KLHL29: variants seen among roughly 807,000 people sequenced by gnomAD.
The protein encoded by KLHL29 is kelch like family member 29.
KLHL29 carries 21 observed loss-of-function variants against 80.4 expected under a neutral mutation model. That is an observed-to-expected ratio of 0.26 (90% confidence interval 0.19 to 0.38). The LOEUF is 0.38. Among genes scored for constraint, KLHL29 ranks in the 10% least tolerant of loss-of-function variants. The pLI, the probability that KLHL29 is intolerant of heterozygous loss-of-function variation, is 1.00. For synonymous variants in KLHL29, 511 were observed against 526.8 expected, an observed-to-expected ratio of 0.97 and a Z score of 0.41; for missense variants, 867 against 1,223.9, an observed-to-expected ratio of 0.71 and a Z score of 4.35.
At chr2:23,623,615 C>A (rs1333730337) in intron 3 of KLHL29, among the ~76,000 whole-genome samples, 1 of 152,180 alleles carries the variant, frequency 6.6e-6, no homozygotes, top group Non-Finnish European at 1.5e-5. Flanking sequence ...GGGGTGTCTG[C>A]CAGCTACTCC....
chr2:23,415,387 G>A (rs572159828), intron 1 of KLHL29, among the ~76,000 whole-genome samples: 2 of 152,350 alleles, frequency 1.3e-5, no homozygotes, highest in South Asian at 2.1e-4. Flanking sequence ...GTCTGTGCAT[G>A]TGTGAATTTT....
chr2:23,627,042 C>T (rs1669331525), intron 3 of KLHL29, among the ~76,000 whole-genome samples: 1 of 152,174 alleles, frequency 6.6e-6, no homozygotes, highest in African/African-American at 2.4e-5. Flanking sequence ...CCATCCCCGC[C>T]CCGCTCCTCC....
intron 3 of KLHL29, among the ~76,000 whole-genome samples, chr2:23,624,046 T>G (rs1669250726): frequency 6.6e-6 from 1 of 152,176 alleles, no homozygotes; most frequent in Admixed American, 6.5e-5. Flanking sequence ...TTGGCTGGGC[T>G]TACTTGGAGG....
At chr2:23,677,405 C>T (rs1375793237) in intron 5 of KLHL29, among the ~76,000 whole-genome samples, 1 of 152,210 alleles carries the variant, frequency 6.6e-6, no homozygotes, top group Admixed American at 6.5e-5. Flanking sequence ...CAGAAGGGCT[C>T]TTCACTAAAA....
chr2:23,583,193 C>T lies in KLHL29; in HGVS notation c.285+20712C>T, dbSNP rs1487119405. 3.9e-5 allele frequency among the ~76,000 whole-genome samples: 6 copies of T among 152,292 alleles called. No homozygotes were observed. In the South Asian group the frequency reaches 1.2e-3, roughly 32 times the overall value. On this transcript the variant is annotated intron_variant, in intron 3 of 13. Transcript: ENST00000486442. The stretch of plus-strand genomic sequence containing the variant: ...AACTGTGAGAAGGGACCTTTCTGTC[C>T]TGTAAGCCACCCACTGTGTGGTCGT...
At chr2:23,462,507 A>G (rs968755970) in intron 1 of KLHL29, among the ~76,000 whole-genome samples, 3 of 152,212 alleles carry the variant, frequency 2.0e-5, no homozygotes, top group African/African-American at 7.2e-5. Flanking sequence ...GCTTCTTCCT[A>G]TAATGATTCC....
rs6746211 is a variant in KLHL29 at position 23,503,685 on chromosome 2, C to A, written c.-46+28018C>A. 0.027 allele frequency among the ~76,000 whole-genome samples: 4,064 copies of A among 152,120 alleles called. 170 individuals carry two copies. The highest frequency in any genetic ancestry group is 0.092 in the African/African-American group (3,797 of 41,474). On this transcript the variant is annotated intron_variant, in intron 2 of 13. Coordinates refer to ENST00000486442, the MANE Select transcript of KLHL29 (RefSeq NM_052920.2). The surrounding 1 kb of genome is among the most constrained non-coding windows in gnomAD (Gnocchi z 4.0). The stretch of plus-strand genomic sequence containing the variant: ...CGTCCATGTTCCAGCTCCTCCCAGG[C>A]CCCCATGGATAAAATAGGGCCACAG...
intron 5 of KLHL29, among the ~76,000 whole-genome samples, chr2:23,666,445 G>A (rs1003766003): frequency 6.6e-6 from 1 of 152,112 alleles, no homozygotes; most frequent in Non-Finnish European, 1.5e-5. Context: ...GGTGACCTGT[G>A]GGAAGAGAGC....
At chr2:23,636,500 G>A (rs962166080) in intron 3 of KLHL29, among the ~76,000 whole-genome samples, 10 of 152,016 alleles carry the variant, frequency 6.6e-5, no homozygotes, top group South Asian at 4.1e-4. Flanking sequence ...ACAGCAGGCC[G>A]GTTGTAGCCC....
intron 2 of KLHL29, among the ~76,000 whole-genome samples, chr2:23,509,890 A>G (rs1665717494): frequency 6.6e-6 from 1 of 152,190 alleles, no homozygotes; most frequent in African/African-American, 2.4e-5. Context: ...GGACCTGGCA[A>G]TGAACTCTTA....
intron 5 of KLHL29, among the ~76,000 whole-genome samples, chr2:23,683,581 G>A (rs1458118735): frequency 6.6e-6 from 1 of 152,192 alleles, no homozygotes; most frequent in African/African-American, 2.4e-5. Context: ...CCATGGGCCC[G>A]GGCACTGTCT....
chr2:23,651,671 A>G (rs935695593), intron 5 of KLHL29, among the ~76,000 whole-genome samples: 1 of 151,828 alleles, frequency 6.6e-6, no homozygotes, highest in African/African-American at 2.4e-5. Flanking sequence ...TTGTGCTGCC[A>G]TCACAAAATG....
At chr2:23,530,045 G>A (rs1666445014) in intron 2 of KLHL29, among the ~76,000 whole-genome samples, 1 of 152,196 alleles carries the variant, frequency 6.6e-6, no homozygotes, top group Admixed American at 6.5e-5. Context: ...TGTGGCTTCA[G>A]TTCTGCAGGG....
rs1672842679 is a variant in KLHL29 at position 23,708,204 on chromosome 2, C to T, written c.*1540C>T. ...CTTCTAGCACTACGAGTGTGGCTCC[C>T]ACTTGGACAAGATACCGAGCTTCGT... On this transcript the variant is annotated 3_prime_UTR_variant, in exon 14 of 14. Transcript: ENST00000486442. The T allele has an allele frequency of 6.6e-6, 1 of 152,202 alleles. No individual in the cohort carries two copies. The highest frequency in any genetic ancestry group is 6.5e-5 in the Admixed American group (1 of 15,282). The allele number at this position is 152,202 out of a possible 1,614,324, so 9.4% of individuals were successfully genotyped here. A position where few individuals can be genotyped will look rare whatever the true frequency, so the allele number is the denominator to read the frequency against.
At chr2:23,497,262 C>A (rs1347947068) in intron 2 of KLHL29, among the ~76,000 whole-genome samples, 1 of 151,978 alleles carries the variant, frequency 6.6e-6, no homozygotes, top group South Asian at 2.1e-4. Context: ...TTGTTTTCCT[C>A]CTTGGCAATC....
At chr2:23,615,803 A>T (rs1572440456) in intron 3 of KLHL29, among the ~76,000 whole-genome samples, 1 of 152,158 alleles carries the variant, frequency 6.6e-6, no homozygotes, top group Non-Finnish European at 1.5e-5. Flanking sequence ...GAGTGAAGTG[A>T]CCATGACCTT....
chr2:23,517,093 C>T (rs1003913422), intron 2 of KLHL29, among the ~76,000 whole-genome samples: 8 of 152,334 alleles, frequency 5.3e-5, no homozygotes, highest in Admixed American at 3.3e-4. Flanking sequence ...GGAGAGGTTT[C>T]GTGCAGAAAG....
At chr2:23,525,453 T>C (rs1417454981) in intron 2 of KLHL29, among the ~76,000 whole-genome samples, 2 of 152,248 alleles carry the variant, frequency 1.3e-5, no homozygotes, top group East Asian at 3.9e-4. Context: ...CCAGCTTCCA[T>C]GGCCAAGAAG....
chr2:23,690,005 AG>A (rs1412188335), intron 6 of KLHL29: 18 of 152,398 alleles, frequency 1.2e-4, no homozygotes, highest in African/African-American at 4.1e-4. Context: ...GCTTGGAGGC[AG>A]AGGCCCCTTG....
Sources: allele counts gnomAD v4.1 joint callset (sites outside exome capture counted in the v4.1 genomes callset), GRCh38; gene constraint gnomAD v4.1.1; non-coding constraint Gnocchi (gnomAD v3.1); transcripts MANE v1.5; gene names NCBI Gene and HGNC (gene_info 2026-07-23, HGNC 2026-07-21).